EPCAM: variants seen among roughly 807,000 people sequenced by gnomAD.
EPCAM encodes the protein adenocarcinoma-associated antigen.
Under a neutral mutation model 40.0 loss-of-function variants are expected in EPCAM, and 39 were observed. That is an observed-to-expected ratio of 0.98 (90% CI 0.76 to 1.27). The LOEUF is 1.27. Among genes scored for constraint, EPCAM ranks in the 50% most tolerant of loss-of-function variants. The pLI is 0.00. For synonymous variants in EPCAM, 168 were observed against 132.3 expected (o/e 1.27, Z -1.85); for missense variants, 503 against 381.2 (o/e 1.32, Z -2.66).
intron 1 of EPCAM, among the ~76,000 whole-genome samples, chr2:47,371,537 C>G (rs899904827): frequency 6.6e-6 from 1 of 152,304 alleles, no homozygotes. Context: ...AGTAATTATA[C>G]TCTCAAAGTA....
chr2:47,382,268 T>C (rs1425092101), intron 7 of EPCAM, among the ~76,000 whole-genome samples: 2 of 152,186 alleles, frequency 1.3e-5, no homozygotes, highest in African/African-American at 4.8e-5. Flanking sequence ...AGACAGTTAA[T>C]AGAAATTTCA....
chr2:47,382,817 A>G (rs920448477), intron 7 of EPCAM, among the ~76,000 whole-genome samples: 2 of 152,176 alleles, frequency 1.3e-5, no homozygotes, highest in African/African-American at 4.8e-5. Context: ...TTCGATCTTT[A>G]TCTTTGGATC....
rs533255660 is a variant in EPCAM at position 47,369,505 on chromosome 2, C to G, written c.-1C>G. The G allele has an allele frequency of 9.0e-6, 14 of 1,548,974 alleles. No individual in the cohort carries two copies. Among genetic ancestry groups the G allele is most frequent in the Admixed American group, 2.0e-5 (1 of 51,160 alleles). ...GCCCCTCTTCTCGGCGCGCGCGCAG[C>G]ATGGCGCCCCCGCAGGTCCTCGCGT... On this transcript the variant is annotated 5_prime_UTR_variant, in exon 1 of 9. Coordinates refer to ENST00000263735, the MANE Select transcript of EPCAM (RefSeq NM_002354.3).
intron 5 of EPCAM, 83 bp downstream of exon 5, chr2:47,377,160 T>C: frequency 1.1e-6 from 1 of 944,100 alleles, no homozygotes; most frequent in South Asian, 1.3e-5. Context: ...GTGATTTAAG[T>C]GGTGGTTAAA....
At chr2:47,381,884 A>G (rs906199094) in intron 7 of EPCAM, among the ~76,000 whole-genome samples, 2 of 152,158 alleles carry the variant, frequency 1.3e-5, no homozygotes, top group African/African-American at 4.8e-5. Flanking sequence ...CTCCTGACCT[A>G]TCCTCCCAAG....
At chr2:47,384,418 T>C (rs1671680975) in intron 7 of EPCAM, among the ~76,000 whole-genome samples, 1 of 150,940 alleles carries the variant, frequency 6.6e-6, no homozygotes, top group Non-Finnish European at 1.5e-5. Flanking sequence ...TTATTTTATT[T>C]TAATTTTTTT....
chr2:47,386,251 G>T (rs539842762), intron 8 of EPCAM, among the ~76,000 whole-genome samples: 6 of 152,174 alleles, frequency 3.9e-5, no homozygotes, highest in African/African-American at 1.4e-4. Context: ...ATGAAAGATT[G>T]ATAATAGAAA....
chr2:47,381,264 C>CT (rs1671581254), intron 7 of EPCAM, among the ~76,000 whole-genome samples: 2 of 151,270 alleles, frequency 1.3e-5, no homozygotes, highest in African/African-American at 4.9e-5. Flanking sequence ...GGCATGGTGT[C>CT]TCATGCCTGT....
In EPCAM at chr2:47,387,010, T is replaced by C. The variant is rs1002325729; in HGVS notation, c.*397T>C. 2 of 230,194 alleles carry C rather than the reference T, an allele frequency of 8.7e-6. No homozygotes were observed. The highest frequency in any genetic ancestry group is 4.4e-5 in the African/African-American group (2 of 45,098). 14.3% of individuals were successfully genotyped at this position (230,194 alleles called of 1,614,324 possible). A position where few individuals can be genotyped will look rare whatever the true frequency, so the allele number is the denominator to read the frequency against. On this transcript the variant is annotated 3_prime_UTR_variant, in exon 9 of 9. Transcript: ENST00000263735. ...TTTTATGAGCTATGAAATAAAACAT[T>C]TTAAACTGAATTTCTTAACTTTGAC...
intron 5 of EPCAM, chr2:47,377,554 G>C (rs578114263): frequency 2.1e-5 from 5 of 241,778 alleles, no homozygotes; most frequent in Non-Finnish European, 4.2e-5. Context: ...TTTGGTTATC[G>C]TTGTTTTCCT....
intron 7 of EPCAM, among the ~76,000 whole-genome samples, chr2:47,382,549 G>A (rs1671622169): frequency 6.6e-6 from 1 of 152,152 alleles, no homozygotes. Flanking sequence ...AGCCAGGCAT[G>A]GTGGTGCATG....
intron 1 of EPCAM, among the ~76,000 whole-genome samples, chr2:47,373,230 A>C (rs1671326386): frequency 6.7e-6 from 1 of 149,144 alleles, no homozygotes; most frequent in African/African-American, 2.5e-5. Flanking sequence ...AAAAAAAAAA[A>C]AAAAACAGGA....
intron 8 of EPCAM, 125 bp downstream of exon 8, chr2:47,385,335 T>C (rs1573406205): frequency 2.5e-6 from 2 of 797,578 alleles, no homozygotes; most frequent in South Asian, 2.8e-5. Context: ...GTCTTTAGGG[T>C]CTTAGGGACA....
chr2:47,385,323 T>C (rs755622122), intron 8 of EPCAM, 113 bp downstream of exon 8: 15 of 881,928 alleles, frequency 1.7e-5, no homozygotes, highest in Non-Finnish European at 7.7e-6. Context: ...CTTTATACTG[T>C]TGTCTTTAGG....
At chr2:47,377,729 G>C (rs2103754797) in intron 5 of EPCAM, 2 of 445,828 alleles carry the variant, frequency 4.5e-6, no homozygotes, top group African/African-American at 2.1e-5. Flanking sequence ...GGTAAATACA[G>C]TTTTGGTGCA....
intron 7 of EPCAM, among the ~76,000 whole-genome samples, chr2:47,382,062 C>G (rs1241392176): frequency 1.3e-5 from 2 of 152,006 alleles, no homozygotes; most frequent in Non-Finnish European, 2.9e-5. Flanking sequence ...GCCATTGCAC[C>G]TAGTCCTATA....
chr2:47,380,800 T>G (rs988549531), intron 7 of EPCAM, among the ~76,000 whole-genome samples: 3 of 152,098 alleles, frequency 2.0e-5, no homozygotes, highest in African/African-American at 7.2e-5. Flanking sequence ...GAAATCTTAC[T>G]AACACTGGCC....
At chr2:47,377,360 C>T (rs548494899) in intron 5 of EPCAM, among the ~76,000 whole-genome samples, 1 of 152,038 alleles carries the variant, frequency 6.6e-6, no homozygotes, top group Non-Finnish European at 1.5e-5. Flanking sequence ...CCTCAGCCTC[C>T]CGAGGAGCTG....
At chr2:47,374,824 G>A (rs1187175839) in intron 3 of EPCAM, among the ~76,000 whole-genome samples, 1 of 152,038 alleles carries the variant, frequency 6.6e-6, no homozygotes, top group African/African-American at 2.4e-5. Flanking sequence ...TTTTAGTAGA[G>A]ATGGGGTTTC....
Sources: allele counts gnomAD v4.1 joint callset (sites outside exome capture counted in the v4.1 genomes callset), GRCh38; gene constraint gnomAD v4.1.1; transcripts MANE v1.5; gene names NCBI Gene and HGNC (gene_info 2026-07-23, HGNC 2026-07-21).